TLL1: variants seen among roughly 807,000 people sequenced by gnomAD.
The protein encoded by TLL1 is tolloid-like protein 1.
A neutral mutation model predicts 128.2 loss-of-function variants in TLL1; 49 were observed. The ratio of observed to expected loss-of-function variants is 0.38; its 90% CI spans 0.30 to 0.48. TLL1 has a LOEUF of 0.48. TLL1 is among the 20% of genes least tolerant of loss of function. The pLI, the probability that TLL1 is intolerant of heterozygous loss-of-function variation, is 0.96. For synonymous variants in TLL1, 454 were observed against 418.8 expected (o/e 1.08, Z -1.03); for missense variants, 1,123 against 1,242.0 (o/e 0.90, Z 1.44).
At chr4:165,884,609 G>T (rs1309324495) in intron 1 of TLL1, among the ~76,000 whole-genome samples, 1 of 152,192 alleles carries the variant, frequency 6.6e-6, no homozygotes, top group African/African-American at 2.4e-5. Flanking sequence ...GCTGAGACAG[G>T]TGGATCACCT....
rs182334569 is a variant in TLL1, at chr4:165,876,366, G to A, written c.169+2293G>A. On this transcript the variant is annotated intron_variant, in intron 1 of 20. Transcript: ENST00000061240. Reference sequence around the variant, plus strand: ...AAAAAAAAATCACTGAAATAAGGAAGATGGGGACGGGTCTGTGAAAGAAAG... The same window carrying A: ...AAAAAAAAATCACTGAAATAAGGAAAATGGGGACGGGTCTGTGAAAGAAAG... Among the ~76,000 whole-genome samples the A allele has an allele frequency of 4.6e-4, 70 of 152,030 alleles. 1 individual carries two copies. The East Asian group carries it at 0.013, about 29-fold the overall frequency.
chr4:165,972,322 T>C (rs1579565139), intron 1 of TLL1, among the ~76,000 whole-genome samples: 1 of 152,212 alleles, frequency 6.6e-6, no homozygotes, highest in Admixed American at 6.5e-5. Context: ...CTGTATATGG[T>C]TATCCAAAGA....
In TLL1 at chr4:166,100,804, AATC is replaced by A. The variant is rs757928396; in HGVS notation, c.2972_2974del (p.Ile991del). The A allele has an allele frequency of 6.2e-7, 1 of 1,613,170 alleles. No homozygotes were observed. The highest frequency in any genetic ancestry group is 8.5e-7 in the Non-Finnish European group (1 of 1,179,402). On this transcript the variant is annotated inframe_deletion, in exon 21 of 21. Transcript: ENST00000061240. The stretch of plus-strand genomic sequence containing the variant: ...TAATTCATTTCCACACTGATGACAC[AATC>A]AACAAGAAGGGATTTCATATAAGAT...
chr4:166,032,059 A>C (rs1011530070), intron 9 of TLL1, among the ~76,000 whole-genome samples: 6 of 152,152 alleles, frequency 3.9e-5, no homozygotes, highest in Admixed American at 3.9e-4. Flanking sequence ...GCTAATTATT[A>C]AATTTTTCTT....
intron 1 of TLL1, among the ~76,000 whole-genome samples, chr4:165,985,015 G>A (rs1195759457): frequency 2.0e-5 from 3 of 151,780 alleles, no homozygotes; most frequent in East Asian, 1.9e-4. Flanking sequence ...TCCAATTCAC[G>A]GTATGTTCTC....
chr4:166,078,213 C>T lies in TLL1; in HGVS notation c.2442+183C>T, dbSNP rs189892732. Among the ~76,000 whole-genome samples, 145 of 152,200 alleles carry T rather than the reference C, an allele frequency of 9.5e-4. 1 individual carries two copies. Among genetic ancestry groups the T allele is most frequent in the Non-Finnish European group, 1.6e-3 (112 of 68,006 alleles). On this transcript the variant is annotated intron_variant, in intron 18 of 20. Transcript: ENST00000061240. Reference sequence around the variant, plus strand: ...TTGACTTCCTAGATCAAGGTGACTGCCACGTTGTTCTCCTCTAGGGTTTCT... The same window carrying T: ...TTGACTTCCTAGATCAAGGTGACTGTCACGTTGTTCTCCTCTAGGGTTTCT...
At chr4:166,030,150 C>G (rs761556431) in intron 9 of TLL1, among the ~76,000 whole-genome samples, 2 of 152,088 alleles carry the variant, frequency 1.3e-5, no homozygotes, top group Non-Finnish European at 2.9e-5. Context: ...CTCACCAACA[C>G]TTGTTATTTT....
intron 13 of TLL1, among the ~76,000 whole-genome samples, chr4:166,056,546 T>A (rs1457707800): frequency 6.6e-6 from 1 of 151,986 alleles, no homozygotes; most frequent in Non-Finnish European, 1.5e-5. Flanking sequence ...AATTTCTGAG[T>A]TTTATACCTT....
In TLL1 at chr4:166,099,340, G is replaced by A. The variant is rs762519293; in HGVS notation, c.2720G>A (p.Gly907Asp). ...GATCTGTACTCACATGCTCAGTTTGGTGATAACAACTACCCAGGACAGGTT... is the reference window on the plus strand; with the variant it reads ...GATCTGTACTCACATGCTCAGTTTGATGATAACAACTACCCAGGACAGGTT... ...PRDLYSHAQF[G>D]DNNYPGQVDC... Residue 907 changes from glycine to aspartate, a missense_variant, in exon 20 of 21, where the codon GGT becomes GAT. By Grantham distance (94) the Gly-to-Asp change is moderately conservative. Around this residue, in one of 3 missense-constraint regions of TLL1, gnomAD observed 634 missense variants for 672.4 expected, o/e 0.94. Coordinates refer to ENST00000061240, the MANE Select transcript of TLL1 (RefSeq NM_012464.5). The A allele has an allele frequency of 6.2e-7, 1 of 1,613,574 alleles. No individual in the cohort carries two copies.
rs1739372003 is a variant in TLL1, at chr4:166,044,487, C to G, written c.1524+1068C>G. ...CTGTCCCCTTGCATGTACCATTTAA[C>G]TTCCCAGATGTATTTCCTTTTGTTA... On this transcript the variant is annotated intron_variant, in intron 12 of 20. Transcript: ENST00000061240. 2.9e-6 allele frequency: 4 copies of G among 1,401,894 alleles called. No homozygotes were observed. The South Asian group carries it at 5.0e-5, about 18-fold the overall frequency. The allele number at this position is 1,401,894 out of a possible 1,614,324, so 86.8% of individuals were successfully genotyped here.
At chr4:166,003,813 C>T (rs566141834) in intron 6 of TLL1, among the ~76,000 whole-genome samples, 1 of 151,912 alleles carries the variant, frequency 6.6e-6, no homozygotes, top group African/African-American at 2.4e-5. Flanking sequence ...TGTTTTATTT[C>T]TAAACTTTGG....
chr4:166,011,241 T>C (rs1205893496), intron 7 of TLL1, among the ~76,000 whole-genome samples: 1 of 151,516 alleles, frequency 6.6e-6, no homozygotes, highest in African/African-American at 2.4e-5. Context: ...TGTAGATCAC[T>C]TTGGATGTAT....
chr4:166,066,945 T>A (rs1484220929), intron 16 of TLL1, among the ~76,000 whole-genome samples: 1 of 151,780 alleles, frequency 6.6e-6, no homozygotes, highest in African/African-American at 2.4e-5. Context: ...ATATTATGTG[T>A]GTTATAAAGT....
intron 8 of TLL1, among the ~76,000 whole-genome samples, chr4:166,022,936 C>A (rs1454175800): frequency 6.6e-6 from 1 of 152,004 alleles, no homozygotes; most frequent in Non-Finnish European, 1.5e-5. Context: ...TTTTACTTTC[C>A]CTAATATTAT....
In TLL1 at chr4:165,994,455, C is replaced by T; in HGVS notation, c.436C>T (p.Pro146Ser). ...AGGGCAAAATGAGAAAAATCGAGTTCCCAGAGCCGCTACATCAAGAACGGA... is the reference window on the plus strand; with the variant it reads ...AGGGCAAAATGAGAAAAATCGAGTTTCCAGAGCCGCTACATCAAGAACGGA... ...FSGQNEKNRVPRAATSRTERI... is the reference protein window; with the variant it reads ...FSGQNEKNRVSRAATSRTERI... Residue 146 changes from proline (P) to serine (S), a missense_variant, in exon 4 of 21, where the codon CCC becomes TCC. This residue lies in a region of TLL1 where 480 missense variants were observed against 542.4 expected (regional missense o/e 0.89). Transcript: ENST00000061240. 1 of 1,613,980 alleles carries T rather than the reference C, an allele frequency of 6.2e-7. No homozygotes were observed. The highest frequency in any genetic ancestry group is 8.5e-7 in the Non-Finnish European group (1 of 1,179,934).
At chr4:165,909,164 G>A (rs1191740459) in intron 1 of TLL1, among the ~76,000 whole-genome samples, 1 of 151,910 alleles carries the variant, frequency 6.6e-6, no homozygotes, top group African/African-American at 2.4e-5. Context: ...TCCAGTCTGG[G>A]TGACAGAGTA....
intron 1 of TLL1, among the ~76,000 whole-genome samples, chr4:165,965,733 A>G (rs1278459347): frequency 6.6e-6 from 1 of 152,224 alleles, no homozygotes. Context: ...AATGTTAACC[A>G]CTATTTACAA....
intron 8 of TLL1, among the ~76,000 whole-genome samples, chr4:166,023,238 A>G (rs1427129365): frequency 6.6e-6 from 1 of 152,114 alleles, no homozygotes; most frequent in African/African-American, 2.4e-5. Context: ...CATCTCTACT[A>G]AAAATACAAA....
At chr4:166,087,839 A>G (rs1741594541) in intron 18 of TLL1, among the ~76,000 whole-genome samples, 1 of 152,156 alleles carries the variant, frequency 6.6e-6, no homozygotes, top group Admixed American at 6.6e-5. Context: ...TCCACAGCCT[A>G]TAACGAGAGT....
Sources: allele counts gnomAD v4.1 joint callset (sites outside exome capture counted in the v4.1 genomes callset), GRCh38; gene constraint gnomAD v4.1.1; regional missense constraint gnomAD v4.1.1; transcripts MANE v1.5; gene names NCBI Gene and HGNC (gene_info 2026-07-23, HGNC 2026-07-21).